Variants in SUSD4 observed in about 807,000 individuals in gnomAD.
SUSD4 encodes the protein sushi domain containing 4.
In SUSD4, 41 loss-of-function variants were observed where a neutral mutation model predicts 50.5. That is an observed-to-expected ratio of 0.81 (90% CI 0.63 to 1.05). The LOEUF is 1.05. SUSD4 is among the 50% of genes least tolerant of loss of function. The pLI, the probability that SUSD4 is intolerant of heterozygous loss-of-function variation, is 0.00. For synonymous variants in SUSD4, 257 were observed against 257.3 expected (o/e 1.00, Z 0.01); for missense variants, 580 against 634.7 (o/e 0.91, Z 0.93).
rs540625330 is a variant in SUSD4 at position 223,226,555 on chromosome 1, A to T, written c.1061+1039T>A. On this transcript the variant is annotated intron_variant, in intron 7 of 8. Coordinates refer to ENST00000366878, the MANE Select transcript of SUSD4 (RefSeq NM_017982.4). ...TCCAGCAGCTCTGCCCATTTCCTTC[A>T]CTCCTCTCACAGCTGGGAGATGTGA... 3.9e-4 allele frequency among the ~76,000 whole-genome samples: 59 copies of T among 152,050 alleles called. 1 individual carries two copies. The highest frequency in any genetic ancestry group is 1.4e-3 in the African/African-American group (59 of 41,464).
At chr1:223,326,245 T>C (rs1421949775) in intron 2 of SUSD4, among the ~76,000 whole-genome samples, 1 of 151,908 alleles carries the variant, frequency 6.6e-6, no homozygotes, top group Non-Finnish European at 1.5e-5. Context: ...AAACATAAAC[T>C]GGGGAATGGA....
At chr1:223,345,261 C>A (rs565255921) in intron 2 of SUSD4, among the ~76,000 whole-genome samples, 1 of 152,154 alleles carries the variant, frequency 6.6e-6, no homozygotes, top group African/African-American at 2.4e-5. Flanking sequence ...CACCACTAAC[C>A]CCCTCTCTGA....
At position 223,340,650 on chromosome 1, in the gene SUSD4, C is replaced by G. The variant is rs572721841; in HGVS notation, c.148+22628G>C. On this transcript the variant is annotated intron_variant, in intron 2 of 8. Transcript: ENST00000366878. ...ACAGCTGGGGAGCTGGGTTTAGAGGCTCCAGGCAAAAGATCCAGGTAGAGG... is the reference window on the plus strand; with the variant it reads ...ACAGCTGGGGAGCTGGGTTTAGAGGGTCCAGGCAAAAGATCCAGGTAGAGG... Among the ~76,000 whole-genome samples the G allele has an allele frequency of 1.1e-4, 17 of 152,250 alleles. No homozygotes were observed. The South Asian group carries it at 3.5e-3, about 32-fold the overall frequency.
chr1:223,344,829 T>C (rs76596531), intron 2 of SUSD4, among the ~76,000 whole-genome samples: 10,322 of 152,256 alleles, frequency 0.068, 421 homozygotes, highest in East Asian at 0.12. Context: ...CTTGGGCCCA[T>C]CTGGACAGTT....
chr1:223,289,007 G>A, intron 3 of SUSD4: 7 of 744,920 alleles, frequency 9.4e-6, no homozygotes, highest in Non-Finnish European at 9.8e-6. Flanking sequence ...ATGAAATGTA[G>A]GAAAGGGATA....
chr1:223,251,303 T>C (rs851206), intron 5 of SUSD4, among the ~76,000 whole-genome samples: 48,256 of 152,054 alleles, frequency 0.32, 8,070 homozygotes, highest in Non-Finnish European at 0.38. Context: ...GAAGAACAGG[T>C]GTGTCACATG....
chr1:223,243,315 CT>C (rs1660710917), intron 5 of SUSD4, among the ~76,000 whole-genome samples: 1 of 152,170 alleles, frequency 6.6e-6, no homozygotes. Flanking sequence ...CTGTCTTCTT[CT>C]GGGAGATGAA....
chr1:223,228,255 A>G (rs1571832163), intron 6 of SUSD4, among the ~76,000 whole-genome samples: 2 of 152,308 alleles, frequency 1.3e-5, no homozygotes, highest in East Asian at 3.9e-4. Context: ...CAGCAAGAGC[A>G]GACCTTTCCA....
intron 2 of SUSD4, among the ~76,000 whole-genome samples, chr1:223,295,397 A>C (rs566707220): frequency 1.3e-5 from 2 of 152,168 alleles, no homozygotes; most frequent in Admixed American, 6.5e-5. Flanking sequence ...TCTCTCTCAT[A>C]CTATGTCAAA....
intron 2 of SUSD4, among the ~76,000 whole-genome samples, chr1:223,331,778 G>A (rs1055496602): frequency 6.6e-6 from 1 of 152,144 alleles, no homozygotes; most frequent in African/African-American, 2.4e-5. Context: ...AAGGCTCAAG[G>A]CTGCACCCCA....
At chr1:223,281,895 C>T (rs1321165908) in intron 3 of SUSD4, among the ~76,000 whole-genome samples, 1 of 152,202 alleles carries the variant, frequency 6.6e-6, no homozygotes, top group Non-Finnish European at 1.5e-5. Flanking sequence ...CCACCACGAT[C>T]AAGTGGGCTT....
At chr1:223,253,133 T>C (rs1661450815) in intron 5 of SUSD4, among the ~76,000 whole-genome samples, 1 of 151,486 alleles carries the variant, frequency 6.6e-6, no homozygotes, top group African/African-American at 2.4e-5. Context: ...TTCATTAGGT[T>C]GTCATCCATC....
rs59885860 is a variant in SUSD4 at position 223,268,013 on chromosome 1, T to TTATA, written c.535+485_535+488dup. On this transcript the variant is annotated intron_variant, in intron 4 of 8. Coordinates refer to ENST00000366878, the MANE Select transcript of SUSD4 (RefSeq NM_017982.4). ...AATTTTTCTGCTCTTCATGCATTTT[T>TTATA]TATATATATATATATATATATATAT... Among the ~76,000 whole-genome samples the TTATA allele has an allele frequency of 1.6e-3, 83 of 53,358 alleles. 7 individuals are homozygous for TTATA. The highest frequency in any genetic ancestry group is 7.4e-3 in the Admixed American group (33 of 4,476). The allele number at this position is 53,358 out of a possible 152,430, so 35.0% of individuals were successfully genotyped here.
chr1:223,344,158 GC>G (rs1246595889), intron 2 of SUSD4, among the ~76,000 whole-genome samples: 2 of 152,128 alleles, frequency 1.3e-5, no homozygotes, highest in African/African-American at 4.8e-5. Flanking sequence ...TATACAGACA[GC>G]CTGACCACCT....
chr1:223,248,139 C>T (rs1384448337), intron 5 of SUSD4, among the ~76,000 whole-genome samples: 2 of 152,186 alleles, frequency 1.3e-5, no homozygotes, highest in African/African-American at 2.4e-5. Context: ...TGTTCCAGAT[C>T]ATGAGGAAAC....
chr1:223,249,777 A>C (rs553008685), intron 5 of SUSD4, among the ~76,000 whole-genome samples: 1 of 152,224 alleles, frequency 6.6e-6, no homozygotes, highest in Non-Finnish European at 1.5e-5. Flanking sequence ...AAAAAACATA[A>C]AACAAAAAAT....
At chr1:223,360,638 T>C (rs957140462) in intron 2 of SUSD4, among the ~76,000 whole-genome samples, 5 of 152,218 alleles carry the variant, frequency 3.3e-5, no homozygotes, top group African/African-American at 1.2e-4. Context: ...ATTTCTGCCT[T>C]TCTAGTTCAG....
chr1:223,252,236 A>T (rs80261401), intron 5 of SUSD4, among the ~76,000 whole-genome samples: 42,887 of 87,828 alleles, frequency 0.49, 8,226 homozygotes, highest in East Asian at 0.57. Flanking sequence ...AAAAAAAAAA[A>T]ATATATATAT....
intron 3 of SUSD4, among the ~76,000 whole-genome samples, chr1:223,287,671 C>T (rs1434364599): frequency 6.6e-6 from 1 of 152,012 alleles, no homozygotes; most frequent in Non-Finnish European, 1.5e-5. Context: ...TCTGACAGAC[C>T]TATGGGACTC....
Sources: gnomAD v4.1 joint callset for allele counts (sites outside exome capture counted in the v4.1 genomes callset) on GRCh38, gnomAD v4.1.1 for gene constraint, MANE v1.5 for transcripts, NCBI Gene and HGNC (gene_info 2026-07-23, HGNC 2026-07-21) for gene names.